ZBTB20: variants seen among roughly 807,000 people sequenced by gnomAD.
ZBTB20 encodes zinc finger and BTB domain-containing protein 20.
A neutral mutation model predicts 56.9 loss-of-function variants in ZBTB20; 9 were observed. The ratio of observed to expected loss-of-function variants is 0.16; its 90% CI spans 0.10 to 0.28. ZBTB20 has a LOEUF of 0.28. Among genes scored for constraint, ZBTB20 ranks in the 10% least tolerant of loss-of-function variants. The probability of loss-of-function intolerance (pLI) is 1.00; values close to 1 mark genes in which losing one functional copy is unlikely to be tolerated. For synonymous variants in ZBTB20, 417 were observed against 420.7 expected, an observed-to-expected ratio of 0.99 and a Z score of 0.11; for missense variants, 655 against 1,003.0, an observed-to-expected ratio of 0.65 and a Z score of 4.69.
intron 1 of ZBTB20, among the ~76,000 whole-genome samples, chr3:115,073,470 C>A (rs1479491045): frequency 1.3e-5 from 2 of 152,114 alleles, no homozygotes; most frequent in Non-Finnish European, 2.9e-5. Context: ...GCTCTTCCAA[C>A]CTCTCTCAAA....
chr3:114,829,015 T>C (rs2073700940), intron 4 of ZBTB20, among the ~76,000 whole-genome samples: 1 of 151,824 alleles, frequency 6.6e-6, no homozygotes, highest in South Asian at 2.1e-4. Context: ...ACATCCTGCA[T>C]GGATTGCAAC....
At chr3:114,883,885 C>CAAGGGGTATA (rs2076490945) in intron 4 of ZBTB20, among the ~76,000 whole-genome samples, 1 of 135,472 alleles carries the variant, frequency 7.4e-6, no homozygotes, top group African/African-American at 2.7e-5. Context: ...TGGTAAGATT[C>CAAGGGGTATA]AAGGGGTATA....
At chr3:114,509,451 T>C (rs1577180415) in intron 6 of ZBTB20, among the ~76,000 whole-genome samples, 1 of 151,794 alleles carries the variant, frequency 6.6e-6, no homozygotes, top group African/African-American at 2.4e-5. Context: ...GTGGTGGTGG[T>C]GGCAAATTCC....
intron 3 of ZBTB20, among the ~76,000 whole-genome samples, chr3:114,951,423 AGGGT>A (rs1473325869): frequency 6.6e-6 from 1 of 152,136 alleles, no homozygotes; most frequent in Admixed American, 6.5e-5. Flanking sequence ...GTGATCTTAT[AGGGT>A]TACAAAATTC....
intron 1 of ZBTB20, among the ~76,000 whole-genome samples, chr3:115,075,818 T>C (rs545571266): frequency 6.6e-6 from 1 of 152,238 alleles, no homozygotes; most frequent in Admixed American, 6.5e-5. Context: ...GCCATTCAAA[T>C]TGTAAAGGAA....
intron 7 of ZBTB20, among the ~76,000 whole-genome samples, chr3:114,472,538 C>T (rs965416564): frequency 1.3e-5 from 2 of 152,086 alleles, no homozygotes; most frequent in Admixed American, 6.6e-5. Flanking sequence ...GGTGAAACCC[C>T]GTCTTTACTA....
intron 4 of ZBTB20, among the ~76,000 whole-genome samples, chr3:114,861,466 C>T (rs952495632): frequency 1.3e-5 from 2 of 151,952 alleles, no homozygotes; most frequent in Non-Finnish European, 2.9e-5. Flanking sequence ...TAAGCCTCAC[C>T]TTATTTTCTG....
intron 1 of ZBTB20, among the ~76,000 whole-genome samples, chr3:115,085,932 T>C (rs559119998): frequency 1.2e-4 from 18 of 152,018 alleles, no homozygotes; most frequent in South Asian, 2.1e-4. Context: ...TGCACTCAAA[T>C]TTAGGAGTTC....
chr3:114,981,695 T>C (rs2078335779), intron 2 of ZBTB20, among the ~76,000 whole-genome samples: 1 of 152,046 alleles, frequency 6.6e-6, no homozygotes, highest in Non-Finnish European at 1.5e-5. Flanking sequence ...TTTATCAATG[T>C]GTAAACTAAG....
intron 4 of ZBTB20, among the ~76,000 whole-genome samples, chr3:114,819,796 C>A (rs1397551596): frequency 2.6e-5 from 4 of 151,488 alleles, no homozygotes; most frequent in Non-Finnish European, 5.9e-5. Flanking sequence ...AGAAATTGAC[C>A]ATACAAATAT....
intron 7 of ZBTB20, among the ~76,000 whole-genome samples, chr3:114,458,503 C>T (rs1481393002): frequency 6.6e-6 from 1 of 152,128 alleles, no homozygotes; most frequent in East Asian, 1.9e-4. Context: ...TGACAGAATT[C>T]CAATCACATT....
chr3:114,424,388 C>G (rs551345755), intron 7 of ZBTB20, among the ~76,000 whole-genome samples: 3 of 152,170 alleles, frequency 2.0e-5, no homozygotes, highest in Non-Finnish European at 4.4e-5. Context: ...CATGCAAAGT[C>G]TCTCCCCACC....
chr3:114,683,487 G>C (rs965117171), intron 6 of ZBTB20, among the ~76,000 whole-genome samples: 3 of 152,076 alleles, frequency 2.0e-5, no homozygotes, highest in Non-Finnish European at 4.4e-5. Context: ...TCCCTCCAAA[G>C]GCTTCAGTAC....
At chr3:114,438,180 G>C (rs1236252396) in intron 7 of ZBTB20, among the ~76,000 whole-genome samples, 2 of 152,062 alleles carry the variant, frequency 1.3e-5, no homozygotes, top group Non-Finnish European at 2.9e-5. Context: ...GCATTGGTGG[G>C]GGTCTGAGAG....
At chr3:114,838,005 T>G (rs1431124652) in intron 4 of ZBTB20, among the ~76,000 whole-genome samples, 1 of 152,148 alleles carries the variant, frequency 6.6e-6, no homozygotes, top group Non-Finnish European at 1.5e-5. Flanking sequence ...GTAGTGACAT[T>G]CAAACCAAAA....
chr3:114,610,248 G>A (rs2057453283), intron 6 of ZBTB20, among the ~76,000 whole-genome samples: 1 of 152,198 alleles, frequency 6.6e-6, no homozygotes, highest in South Asian at 2.1e-4. Flanking sequence ...CCCTCACACA[G>A]ACTTACAGAG....
chr3:114,660,015 T>C (rs2060632787), intron 6 of ZBTB20, among the ~76,000 whole-genome samples: 2 of 152,072 alleles, frequency 1.3e-5, no homozygotes, highest in Non-Finnish European at 2.9e-5. Flanking sequence ...TCTAGTTCCA[T>C]GAAAAGACTT....
intron 6 of ZBTB20, among the ~76,000 whole-genome samples, chr3:114,657,259 C>T (rs527568087): frequency 2.1e-3 from 324 of 152,292 alleles, no homozygotes; most frequent in Non-Finnish European, 3.9e-3. Context: ...TTCAATGCTT[C>T]AGGTTTGTCT....
chr3:114,454,175 G>GGAGAGAGA (rs71146322), intron 7 of ZBTB20, among the ~76,000 whole-genome samples: 7,158 of 116,428 alleles, frequency 0.061, 401 homozygotes, highest in African/African-American at 0.12. Flanking sequence ...AAAAGAGAAG[G>GGAGAGAGA]GAGAGAGAGA....
Sources: allele counts gnomAD v4.1 joint callset (sites outside exome capture counted in the v4.1 genomes callset), GRCh38; gene constraint gnomAD v4.1.1; transcripts MANE v1.5; gene names NCBI Gene and HGNC (gene_info 2026-07-23, HGNC 2026-07-21).